CACNA2D4: variants seen among roughly 807,000 people sequenced by gnomAD.
CACNA2D4 encodes voltage-dependent calcium channel subunit alpha-2/delta-4.
A neutral mutation model predicts 163.8 loss-of-function variants in CACNA2D4; 157 were observed. The observed-to-expected ratio is 0.96, with a 90% confidence interval of 0.84 to 1.09. The LOEUF is 1.09. Among genes scored for constraint, CACNA2D4 ranks in the 50% least tolerant of loss-of-function variants. The pLI, the probability that CACNA2D4 is intolerant of heterozygous loss-of-function variation, is 0.00. For missense variants in CACNA2D4, 1,410 were observed against 1,479.9 expected (o/e 0.95, Z 0.78); for synonymous variants, 598 against 586.9 (o/e 1.02, Z -0.27).
rs1864522324 is a variant in CACNA2D4 at position 1,829,526 on chromosome 12, TG to T, written c.2551+11212del. ...CTTGCTGTTAGGCTGCAGGGAGGCC[TG>T]GGCCAGATCTAGCCACGTGTCAGCT... On this transcript the variant is annotated intron_variant, in intron 26 of 37. Coordinates refer to ENST00000382722, the MANE Select transcript of CACNA2D4 (RefSeq NM_172364.5). This position sits in a 1 kb window ranked among gnomAD's most constrained non-coding sequence, Gnocchi z 4.2. Among the ~76,000 whole-genome samples the T allele has an allele frequency of 6.6e-6, 1 of 152,038 alleles. No individual in the cohort carries two copies.
chr12:1,856,239 G>A lies in CACNA2D4; in HGVS notation c.2009-10C>T, dbSNP rs1385599412. 1 of 1,614,024 alleles carries A rather than the reference G, an allele frequency of 6.2e-7. No homozygotes were observed. The highest frequency in any genetic ancestry group is 8.5e-7 in the Non-Finnish European group (1 of 1,179,890). ...AGCAAGTCATGCAGGCCTGAAACCA[G>A]AGTCCACATTCAGGGTGATGCTCCC... On this transcript the variant is annotated splice_polypyrimidine_tract_variant and intron_variant, in intron 20 of 37. Coordinates refer to ENST00000382722, the MANE Select transcript of CACNA2D4 (RefSeq NM_172364.5).
At chr12:1,848,329 G>A (rs1865197074) in intron 23 of CACNA2D4, among the ~76,000 whole-genome samples, 1 of 152,220 alleles carries the variant, frequency 6.6e-6, no homozygotes, top group African/African-American at 2.4e-5. Context: ...CTCCGGTTCT[G>A]GCCTTGGCGG....
chr12:1,834,378 A>T lies in CACNA2D4; in HGVS notation c.2551+6361T>A. The T allele has an allele frequency of 6.2e-7, 1 of 1,613,226 alleles. No individual in the cohort carries two copies. The highest frequency in any genetic ancestry group is 8.5e-7 in the Non-Finnish European group (1 of 1,180,004). On this transcript the variant is annotated intron_variant, in intron 26 of 37. Coordinates refer to ENST00000382722, the MANE Select transcript of CACNA2D4 (RefSeq NM_172364.5). The surrounding 1 kb of genome is among the most constrained non-coding windows in gnomAD (Gnocchi z 7.6). The stretch of plus-strand genomic sequence containing the variant: ...TACTGCTCCCAGCTGGAGGACGAGA[A>T]TAGCTCAGCTGGGCTGGATATTCCT...
chr12:1,815,407 A>G lies in CACNA2D4; in HGVS notation c.2552-3684T>C, dbSNP rs997461289. ...CATCGTCAGGTCTCAGCCCAATATC[A>G]TCTCCTAGAGTGGCTGTCCCTGGCC... is the stretch of plus-strand genomic sequence containing the variant. On this transcript the variant is annotated intron_variant, in intron 26 of 37. Transcript: ENST00000382722. Among the ~76,000 whole-genome samples the G allele has an allele frequency of 2.4e-4, 36 of 150,852 alleles. 1 individual carries two copies. Among genetic ancestry groups the G allele is most frequent in the Non-Finnish European group, 4.0e-4 (27 of 68,030 alleles).
intron 34 of CACNA2D4, chr12:1,797,743 G>T: frequency 1.7e-6 from 1 of 604,672 alleles, no homozygotes; most frequent in Non-Finnish European, 2.9e-6. Context: ...GCTTGGCACG[G>T]GGAGCGCCGC....
intron 37 of CACNA2D4, among the ~76,000 whole-genome samples, chr12:1,794,851 C>T (rs1210126697): frequency 6.6e-6 from 1 of 152,138 alleles, no homozygotes; most frequent in Non-Finnish European, 1.5e-5. Flanking sequence ...TCCCAGAAGC[C>T]AGGGGCTTGG....
intron 29 of CACNA2D4, among the ~76,000 whole-genome samples, chr12:1,804,692 C>T (rs969616784): frequency 6.6e-6 from 1 of 152,340 alleles, no homozygotes; most frequent in African/African-American, 2.4e-5. Context: ...GTGAGCAGAG[C>T]CGCTGGGAGG....
At chr12:1,854,381 G>A (rs1865354454) in intron 22 of CACNA2D4, among the ~76,000 whole-genome samples, 2 of 152,076 alleles carry the variant, frequency 1.3e-5, no homozygotes, top group South Asian at 4.2e-4. Context: ...CAGACACCTT[G>A]GCCTTTGGTC....
intron 29 of CACNA2D4, among the ~76,000 whole-genome samples, chr12:1,805,995 C>G (rs1237145238): frequency 6.6e-6 from 1 of 152,194 alleles, no homozygotes; most frequent in Non-Finnish European, 1.5e-5. Flanking sequence ...ATGCCCTGCT[C>G]TGAGGGCCTG....
At position 1,792,096 on chromosome 12, in the gene CACNA2D4, TC is replaced by T. The variant is rs1336867504; in HGVS notation, c.*1558del. 1 of 152,254 alleles carries T rather than the reference TC, an allele frequency of 6.6e-6. No individual in the cohort carries two copies. The highest frequency in any genetic ancestry group is 2.4e-5 in the African/African-American group (1 of 41,464). 9.4% of individuals were successfully genotyped at this position (152,254 alleles called of 1,614,324 possible). Reference sequence around the variant, plus strand: ...GGCAATTTTCAACTCTGCTGCAGTTTCTATAACATGGGACTAATGATAGTAC... The same window carrying T: ...GGCAATTTTCAACTCTGCTGCAGTTTTATAACATGGGACTAATGATAGTAC... On this transcript the variant is annotated 3_prime_UTR_variant, in exon 38 of 38. Transcript: ENST00000382722.
At position 1,829,151 on chromosome 12, in the gene CACNA2D4, T is replaced by C. The variant is rs1405102464; in HGVS notation, c.2551+11588A>G. ...TTGTCACTGGAGCTTTTATGCCACC[T>C]TGATCTCCAGGGAGGTGGGGGGCGC... On this transcript the variant is annotated intron_variant, in intron 26 of 37. Transcript: ENST00000382722. This position sits in a 1 kb window ranked among gnomAD's most constrained non-coding sequence, Gnocchi z 4.2. 1.3e-5 allele frequency among the ~76,000 whole-genome samples: 2 copies of C among 152,230 alleles called. No individual in the cohort carries two copies. Among genetic ancestry groups the C allele is most frequent in the African/African-American group, 4.8e-5 (2 of 41,504 alleles).
chr12:1,825,190 G>A (rs1281589413), intron 26 of CACNA2D4, among the ~76,000 whole-genome samples: 4 of 152,230 alleles, frequency 2.6e-5, no homozygotes, highest in East Asian at 1.9e-4. Flanking sequence ...TCACCAGCCT[G>A]TTTGCTGGTT....
rs35331095 is a variant in CACNA2D4, at chr12:1,811,669, G to A, written c.2606C>T (p.Thr869Met). 1,729 of 1,559,538 alleles carry A rather than the reference G, an allele frequency of 1.1e-3. 19 individuals are homozygous for A. The African/African-American group carries it at 0.02, about 18-fold the overall frequency. Reference protein sequence around the residue: ...EFLQRKFWAATRQCSTVDGPC... With the variant: ...EFLQRKFWAAMRQCSTVDGPC... ...GCCCGACATCACACCTACCTGCCGC[G>A]TTGCCGCCCAGAATTTGCGCTGGAG... Residue 869 changes from threonine to methionine, a missense_variant, in exon 27 of 38, where the codon ACG becomes ATG. Physicochemically the swap from Thr to Met is moderately conservative, Grantham distance 81 (BLOSUM62 -1). Coordinates refer to ENST00000382722, the MANE Select transcript of CACNA2D4 (RefSeq NM_172364.5).
chr12:1,907,688 G>A lies in CACNA2D4; in HGVS notation c.650-117C>T, dbSNP rs1866693466. The A allele has an allele frequency of 3.3e-6, 4 of 1,197,576 alleles. No individual in the cohort carries two copies. In the Admixed American group the frequency reaches 8.0e-5, roughly 24 times the overall value. 74.2% of individuals were successfully genotyped at this position (1,197,576 alleles called of 1,614,324 possible). ...TGGGCGTGTCTGGTAAGCGTGCCTG[G>A]TGGGTGTGCCTGGTGGGCGTGTCTG... On this transcript the variant is annotated intron_variant, in intron 5 of 37. Transcript: ENST00000382722.
At chr12:1,881,198 G>A (rs1426855593) in intron 13 of CACNA2D4, among the ~76,000 whole-genome samples, 2 of 152,222 alleles carry the variant, frequency 1.3e-5, no homozygotes, top group Non-Finnish European at 2.9e-5. Context: ...TGAGGGACAG[G>A]TGTAAAAGTG....
intron 8 of CACNA2D4, 30 bp from the exon 9 acceptor site, chr12:1,886,069 G>A (rs1271078724): frequency 1.9e-6 from 3 of 1,586,660 alleles, no homozygotes; most frequent in Non-Finnish European, 1.7e-6. Context: ...AGGGGAGGTG[G>A]GGGGAGAATA....
At position 1,800,061 on chromosome 12, in the gene CACNA2D4, C is replaced by T. The variant is rs756341043; in HGVS notation, c.2922-9G>A. 4.7e-5 allele frequency: 75 copies of T among 1,596,444 alleles called. No homozygotes were observed. The highest frequency in any genetic ancestry group is 6.4e-5 in the Non-Finnish European group (75 of 1,171,614). ...TCCACTCCAGCAGGAACCTGTCAGA[C>T]ACAGGACTGAATCTCGGAGACCTCT... On this transcript the variant is annotated splice_polypyrimidine_tract_variant and intron_variant, in intron 32 of 37. Coordinates refer to ENST00000382722, the MANE Select transcript of CACNA2D4 (RefSeq NM_172364.5).
chr12:1,892,965 A>G (rs940987182), intron 6 of CACNA2D4, among the ~76,000 whole-genome samples: 3 of 152,232 alleles, frequency 2.0e-5, no homozygotes, highest in Non-Finnish European at 4.4e-5. Context: ...ACCTGTGTGC[A>G]CCCAACACTG....
intron 1 of CACNA2D4, 137 bp downstream of exon 1, chr12:1,918,110 G>A: frequency 2.9e-6 from 2 of 684,206 alleles, no homozygotes; most frequent in Non-Finnish European, 2.6e-6. Context: ...CAAGAGAGTG[G>A]TCAGTCGCAG....
Sources: allele counts gnomAD v4.1 joint callset (sites outside exome capture counted in the v4.1 genomes callset), GRCh38; gene constraint gnomAD v4.1.1; non-coding constraint Gnocchi (gnomAD v3.1); transcripts MANE v1.5; gene names NCBI Gene and HGNC (gene_info 2026-07-23, HGNC 2026-07-21).